TNFAIP2: variants seen among roughly 807,000 people sequenced by gnomAD.
TNFAIP2 encodes the protein TNF alpha induced protein 2.
In TNFAIP2, 47 loss-of-function variants were observed where a neutral mutation model predicts 63.5. That is an observed-to-expected ratio of 0.74 (90% CI 0.59 to 0.94). The LOEUF is 0.94. Among genes scored for constraint, TNFAIP2 ranks in the 40% least tolerant of loss-of-function variants. The pLI is 0.00. For missense variants in TNFAIP2, 787 were observed against 850.2 expected, an observed-to-expected ratio of 0.93 and a Z score of 0.92; for synonymous variants, 405 against 390.2, an observed-to-expected ratio of 1.04 and a Z score of -0.45.
intron 9 of TNFAIP2, 38 bp downstream of exon 9, chr14:103,132,910 GT>G: frequency 6.2e-7 from 1 of 1,611,038 alleles, no homozygotes. Flanking sequence ...GTCTTGGGGA[GT>G]TGGGGGCAGC....
upstream of TNFAIP2, chr14:103,122,843 C>G (rs1276038361): frequency 2.2e-6 from 1 of 455,006 alleles, no homozygotes; most frequent in African/African-American, 2.0e-5. Flanking sequence ...TGGTGTGAGC[C>G]GGGTCAGCCA....
Position 103,137,383 on chromosome 14 carries a change from G to C in TNFAIP2, c.*2023G>C, listed in dbSNP as rs1803187. ...ATTTTTTAGAGTACTGCTTTTGTAT[G>C]TATGTTGAACAGGATCCAGGTTTTT... On this transcript the variant is annotated 3_prime_UTR_variant, in exon 12 of 12. Transcript: ENST00000560869. 6.6e-6 allele frequency: 1 copy of C among 152,246 alleles called. No individual in the cohort carries two copies. The highest frequency in any genetic ancestry group is 2.4e-5 in the African/African-American group (1 of 41,462). 9.4% of individuals were successfully genotyped at this position (152,246 alleles called of 1,614,324 possible). A position where few individuals can be genotyped will look rare whatever the true frequency, so the allele number is the denominator to read the frequency against.
In TNFAIP2 at chr14:103,131,720, C is replaced by A; in HGVS notation, c.1380C>A (p.His460Gln). 1.9e-6 allele frequency: 3 copies of A among 1,611,872 alleles called. No individual in the cohort carries two copies. The highest frequency in any genetic ancestry group is 2.5e-6 in the Non-Finnish European group (3 of 1,179,786). ...LLGPLGELKS[H>Q]GFDTLLQNLH... Reference sequence around the variant, plus strand: ...GCCCCCTGGGTGAGCTCAAGAGCCACGGCTTTGACACCCTGCTCCAGAACC... The same window carrying A: ...GCCCCCTGGGTGAGCTCAAGAGCCAAGGCTTTGACACCCTGCTCCAGAACC... Residue 460 changes from histidine to glutamine, a missense_variant, in exon 8 of 12, where the codon CAC (histidine) becomes CAA (glutamine). Coordinates refer to ENST00000560869, the MANE Select transcript of TNFAIP2 (RefSeq NM_006291.4). This position sits in a 1 kb window ranked among gnomAD's most constrained non-coding sequence, Gnocchi z 4.0.
At position 103,131,753 on chromosome 14, in the gene TNFAIP2, G is replaced by A; in HGVS notation, c.1413G>A (p.Glu471=). 2 of 1,611,934 alleles carry A rather than the reference G, an allele frequency of 1.2e-6. No individual in the cohort carries two copies. The highest frequency in any genetic ancestry group is 8.5e-7 in the Non-Finnish European group (1 of 1,179,480). Residue 471 remains glutamate (E), a synonymous_variant, in exon 8 of 12, where the codon GAG becomes GAA. Coordinates refer to ENST00000560869, the MANE Select transcript of TNFAIP2 (RefSeq NM_006291.4). This position sits in a 1 kb window ranked among gnomAD's most constrained non-coding sequence, Gnocchi z 4.0. The part of the protein sequence containing the change: ...GFDTLLQNLH[E]DLKPLFKRFT... ...ACACCCTGCTCCAGAACCTGCATGA[G>A]GACCTGAAGGTAGCGGGAGCCTCTT...
In TNFAIP2 at chr14:103,127,189, G is replaced by A; in HGVS notation, c.420G>A (p.Leu140=). The A allele has an allele frequency of 8.9e-7, 1 of 1,127,144 alleles. No homozygotes were observed. Among genetic ancestry groups the A allele is most frequent in the Non-Finnish European group, 1.1e-6 (1 of 916,524 alleles). The allele number at this position is 1,127,144 out of a possible 1,614,324, so 69.8% of individuals were successfully genotyped here. The change falls in exon 3 of 12, where the codon CTG becomes CTA. Residue 140 remains leucine (L), a synonymous_variant. Transcript: ENST00000560869. The surrounding 1 kb of genome is among the most constrained non-coding windows in gnomAD (Gnocchi z 5.1). ...TGCGCGACCAGGTGCTGGGCGTGCT[G>A]CGGCGGCCGCTGGAGGCGCCGCCCG... ...ELLRDQVLGV[L]RRPLEAPPER... is the part of the protein sequence containing the mutation.
Position 103,127,706 on chromosome 14 carries a change from T to C in TNFAIP2, c.860+77T>C, listed in dbSNP as rs974893023. ...GGAGGGGTGTCGAGGGGTGTCGAGG[T>C]GTGCCGCCGGCAGCTTTTAGTGAGG... On this transcript the variant is annotated intron_variant, in intron 3 of 11. Transcript: ENST00000560869. This position sits in a 1 kb window ranked among gnomAD's most constrained non-coding sequence, Gnocchi z 5.1. 3 of 1,381,188 alleles carry C rather than the reference T, an allele frequency of 2.2e-6. No homozygotes were observed. Among genetic ancestry groups the C allele is most frequent in the Non-Finnish European group, 2.8e-6 (3 of 1,069,456 alleles). The allele number at this position is 1,381,188 out of a possible 1,614,324, so 85.6% of individuals were successfully genotyped here.
chr14:103,127,099 G>GGCC lies in TNFAIP2; in HGVS notation c.331_332insCCG (p.Ala110dup). 9.1e-7 allele frequency: 1 copy of GGCC among 1,102,454 alleles called. No homozygotes were observed. The highest frequency in any genetic ancestry group is 3.8e-5 in the South Asian group (1 of 26,666). The allele number at this position is 1,102,454 out of a possible 1,614,324, so 68.3% of individuals were successfully genotyped here. ...GGGAGCTGGCGGCGGCGGCGGCGGCGGGCGGTGTGAGCGAGGAGGAGCTGG... is the reference window on the plus strand; with the variant it reads ...GGGAGCTGGCGGCGGCGGCGGCGGCGGCCGGCGGTGTGAGCGAGGAGGAGCTGG... On this transcript the variant is annotated inframe_insertion, in exon 3 of 12. Transcript: ENST00000560869. This position sits in a 1 kb window ranked among gnomAD's most constrained non-coding sequence, Gnocchi z 5.1.
chr14:103,136,695 A>AGGGTCT lies in TNFAIP2; in HGVS notation c.*1336_*1341dup, dbSNP rs1312325319. ...CCAGCTACATATTTTTTGTGGATAC[A>AGGGTCT]GGGTCTCATTCTGTTGCCTAGGCTT... On this transcript the variant is annotated 3_prime_UTR_variant, in exon 12 of 12. Coordinates refer to ENST00000560869, the MANE Select transcript of TNFAIP2 (RefSeq NM_006291.4). 7 of 152,060 alleles carry AGGGTCT rather than the reference A, an allele frequency of 4.6e-5. 1 individual carries two copies. The highest frequency in any genetic ancestry group is 1.7e-4 in the African/African-American group (7 of 41,356). The allele number at this position is 152,060 out of a possible 1,614,324, so 9.4% of individuals were successfully genotyped here.
Position 103,127,224 on chromosome 14 carries a change from G to A in TNFAIP2, c.455G>A (p.Arg152His). 2 of 1,091,726 alleles carry A rather than the reference G, an allele frequency of 1.8e-6. No homozygotes were observed. Among genetic ancestry groups the A allele is most frequent in the Non-Finnish European group, 2.2e-6 (2 of 895,812 alleles). 67.6% of individuals were successfully genotyped at this position (1,091,726 alleles called of 1,614,324 possible). The change falls in exon 3 of 12, where the codon CGC (arginine) becomes CAC (histidine). Residue 152 changes from arginine to histidine, a missense_variant. This residue lies in a region of TNFAIP2 where 258 missense variants were observed against 228.9 expected (regional missense o/e 1.13). Transcript: ENST00000560869. This position sits in a 1 kb window ranked among gnomAD's most constrained non-coding sequence, Gnocchi z 5.1. ...RPLEAPPERL[R>H]QALAVVAEQE... ...CTGGAGGCGCCGCCCGAGCGGCTGC[G>A]CCAGGCGCTGGCCGTGGTGGCGGAG...
chr14:103,123,975 G>C (rs775275709), intron 1 of TNFAIP2, 24 bp downstream of exon 1: 1 of 152,576 alleles, frequency 6.6e-6, no homozygotes, highest in African/African-American at 2.4e-5. Context: ...AGGAGAGGCC[G>C]GGCAGCAGGA....
At chr14:103,130,582 A>G in intron 6 of TNFAIP2, among the ~76,000 whole-genome samples, 167 bp downstream of exon 6, 1 of 152,318 alleles carries the variant, frequency 6.6e-6, no homozygotes, top group East Asian at 1.9e-4. Flanking sequence ...TGAGAGCCTC[A>G]GGTGGTCTGA....
intron 1 of TNFAIP2, 135 bp from the exon 2 acceptor site, chr14:103,126,175 G>A: frequency 3.7e-6 from 1 of 272,362 alleles, no homozygotes; most frequent in Non-Finnish European, 7.0e-6. Flanking sequence ...TGGGCCAGGA[G>A]ATGAGCAGAG....
intron 3 of TNFAIP2, 113 bp from the exon 4 acceptor site, chr14:103,129,627 T>A: frequency 2.3e-6 from 2 of 858,462 alleles, no homozygotes; most frequent in Non-Finnish European, 3.8e-6. Flanking sequence ...TGCGGGAGGG[T>A]GTGCTGGGCA....
Position 103,137,393 on chromosome 14 carries a change from C to G in TNFAIP2, c.*2033C>G, listed in dbSNP as rs2088115078. ...GTACTGCTTTTGTATGTATGTTGAA[C>G]AGGATCCAGGTTTTTATAGCTTGAT... On this transcript the variant is annotated 3_prime_UTR_variant, in exon 12 of 12. Coordinates refer to ENST00000560869, the MANE Select transcript of TNFAIP2 (RefSeq NM_006291.4). The G allele has an allele frequency of 6.6e-6, 1 of 152,334 alleles. No individual in the cohort carries two copies. The highest frequency in any genetic ancestry group is 2.4e-5 in the African/African-American group (1 of 41,568). 9.4% of individuals were successfully genotyped at this position (152,334 alleles called of 1,614,324 possible).
intron 4 of TNFAIP2, 44 bp from the exon 5 acceptor site, chr14:103,129,958 G>A (rs765894025): frequency 3.1e-6 from 5 of 1,608,306 alleles, no homozygotes; most frequent in Middle Eastern, 1.7e-4. Context: ...CCAGGTGAGC[G>A]AGGTGAGGGA....
At position 103,136,125 on chromosome 14, in the gene TNFAIP2, G is replaced by A. The variant is rs1031840305; in HGVS notation, c.*765G>A. The A allele has an allele frequency of 9.0e-5, 87 of 965,396 alleles. No individual in the cohort carries two copies. The African/African-American group carries it at 1.3e-3, about 14-fold the overall frequency. The allele number at this position is 965,396 out of a possible 1,614,324, so 59.8% of individuals were successfully genotyped here. A position where few individuals can be genotyped will look rare whatever the true frequency, so the allele number is the denominator to read the frequency against. On this transcript the variant is annotated 3_prime_UTR_variant, in exon 12 of 12. Transcript: ENST00000560869. ...CAGGCTCCCCCTTCCCCAAGGCAGG[G>A]ACAGGCCCTGGGGGTGCCACCGTGG...
Position 103,133,463 on chromosome 14 carries a change from G to A in TNFAIP2, c.1647G>A (p.Leu549=). The change falls in exon 10 of 12, where the codon CTG becomes CTA. Residue 549 remains leucine (L), a synonymous_variant. Transcript: ENST00000560869. The part of the protein sequence containing the change: ...VLKTAEQQQQ[L]AGYILANADT... ...AGACGGCCGAGCAGCAGCAGCAGCT[G>A]GCTGGGTACATCCTGGCCAATGCTG... 1 of 1,613,922 alleles carries A rather than the reference G, an allele frequency of 6.2e-7. No individual in the cohort carries two copies. The highest frequency in any genetic ancestry group is 8.5e-7 in the Non-Finnish European group (1 of 1,180,016).
upstream of TNFAIP2, chr14:103,122,631 G>A (rs567026054): frequency 2.4e-5 from 11 of 455,952 alleles, no homozygotes; most frequent in East Asian, 6.3e-4. Flanking sequence ...TGTGGATGGG[G>A]AGACAGGCCT....
chr14:103,130,943 A>G, intron 6 of TNFAIP2, 109 bp from the exon 7 acceptor site: 1 of 1,151,800 alleles, frequency 8.7e-7, no homozygotes, highest in Non-Finnish European at 1.3e-6. Flanking sequence ...GGCTATGGGC[A>G]GCCAAACAGA....
Sources: gnomAD v4.1 joint callset for allele counts (sites outside exome capture counted in the v4.1 genomes callset) on GRCh38, gnomAD v4.1.1 for gene constraint, gnomAD v4.1.1 regional missense constraint, Gnocchi (gnomAD v3.1) non-coding constraint, MANE v1.5 for transcripts, NCBI Gene and HGNC (gene_info 2026-07-23, HGNC 2026-07-21) for gene names.